Variants in RRP36 observed in about 807,000 individuals in gnomAD.
RRP36 encodes ribosomal RNA processing 36.
Under a neutral mutation model 39.8 loss-of-function variants are expected in RRP36, and 44 were observed. That is an observed-to-expected ratio of 1.10 (90% confidence interval 0.87 to 1.42). The LOEUF (loss-of-function observed/expected upper bound fraction) is 1.42, where lower values mean the gene tolerates loss of function less well. Ranked by LOEUF, RRP36 falls within the 40% of genes most tolerant of loss-of-function variation. RRP36 has a pLI of 0.00. For synonymous variants in RRP36, 124 were observed against 123.1 expected, an observed-to-expected ratio of 1.01 and a Z score of -0.05; for missense variants, 316 against 322.4, an observed-to-expected ratio of 0.98 and a Z score of 0.15.
Position 43,025,098 on chromosome 6 carries a change from C to T in RRP36, c.244C>T (p.Pro82Ser), listed in dbSNP as rs1317379967. 4 of 1,614,074 alleles carry T rather than the reference C, an allele frequency of 2.5e-6. No homozygotes were observed. Among genetic ancestry groups the T allele is most frequent in the African/African-American group, 1.3e-5 (1 of 74,918 alleles). ...NSPKKQASRP[P>S]IQNACVADKH... ...TCCTAAGAAACAAGCTTCTAGACCA[C>T]CTATCCAAAATGCATGTGTTGCAGA... The change falls in exon 2 of 7, where the codon CCT (proline) becomes TCT (serine). Residue 82 changes from proline (P) to serine (S), a missense_variant. Physicochemically the swap from Pro to Ser is moderately conservative, Grantham distance 74. Transcript: ENST00000244496.
rs1373137582 is a variant in RRP36 at position 43,027,197 on chromosome 6, A to G, written c.470A>G (p.Lys157Arg). 1.9e-6 allele frequency: 3 copies of G among 1,614,202 alleles called. No individual in the cohort carries two copies. The highest frequency in any genetic ancestry group is 2.5e-6 in the Non-Finnish European group (3 of 1,179,998). ...KEKELVKKQL[K>R]KHLSGEEHEK... Reference sequence around the variant, plus strand: ...GTGGAGCTTGTGAAAAAACAGTTGAAGAAGCACCTTTCAGGAGAGGAGCAT... The same window carrying G: ...GTGGAGCTTGTGAAAAAACAGTTGAGGAAGCACCTTTCAGGAGAGGAGCAT... The change falls in exon 5 of 7, where the codon AAG (lysine) becomes AGG (arginine). Residue 157 changes from lysine to arginine, a missense_variant. Transcript: ENST00000244496.
At chr6:43,025,830 G>T (rs956294761) in intron 3 of RRP36, among the ~76,000 whole-genome samples, 31 of 152,016 alleles carry the variant, frequency 2.0e-4, no homozygotes, top group African/African-American at 7.5e-4. Context: ...CTACTCAGGA[G>T]GCTGAGGCAG....
intron 4 of RRP36, among the ~76,000 whole-genome samples, chr6:43,026,361 A>G (rs918871243): frequency 6.6e-6 from 1 of 152,190 alleles, no homozygotes; most frequent in Non-Finnish European, 1.5e-5. Context: ...TCATAAAAAA[A>G]TAAAATAATA....
In RRP36 at chr6:43,021,654, G is replaced by C; in HGVS notation, c.-1G>C. ...CGTCTTCCGAGCGCTACTGCCAGCT[G>C]ATGCCGGGAGCTAACTACCGCGCCG... On this transcript the variant is annotated 5_prime_UTR_variant, in exon 1 of 7. Transcript: ENST00000244496. 1 of 1,283,414 alleles carries C rather than the reference G, an allele frequency of 7.8e-7. No individual in the cohort carries two copies. Among genetic ancestry groups the C allele is most frequent in the Non-Finnish European group, 9.9e-7 (1 of 1,014,148 alleles). The allele number at this position is 1,283,414 out of a possible 1,614,324, so 79.5% of individuals were successfully genotyped here. A position where few individuals can be genotyped will look rare whatever the true frequency, so the allele number is the denominator to read the frequency against.
chr6:43,023,199 A>T (rs1311791915), intron 1 of RRP36, among the ~76,000 whole-genome samples: 3 of 151,870 alleles, frequency 2.0e-5, no homozygotes, highest in African/African-American at 7.3e-5. Flanking sequence ...GGAGTTCAAG[A>T]CCAGCCTGGT....
chr6:43,023,120 G>T (rs966636497), intron 1 of RRP36, among the ~76,000 whole-genome samples: 4 of 152,182 alleles, frequency 2.6e-5, no homozygotes, highest in African/African-American at 9.7e-5. Flanking sequence ...TATCCTGGCC[G>T]GGTGTGGTGG....
rs200569222 is a variant in RRP36, at chr6:43,027,923, A to C, written c.643+446A>C. The stretch of plus-strand genomic sequence containing the variant: ...CTTGGTCTACACACACACACACACA[A>C]TCAGTTTTGTTTCTTGGTCTACACT... On this transcript the variant is annotated intron_variant, in intron 6 of 6. Coordinates refer to ENST00000244496, the MANE Select transcript of RRP36 (RefSeq NM_033112.4). Among the ~76,000 whole-genome samples the C allele has an allele frequency of 1.7e-3, 254 of 149,254 alleles. 1 individual carries two copies. The highest frequency in any genetic ancestry group is 0.016 in the East Asian group (79 of 5,018).
At position 43,025,321 on chromosome 6, in the gene RRP36, A is replaced by G. The variant is rs1220375008; in HGVS notation, c.337A>G (p.Ser113Gly). ...VPFLRQVVPI[S>G]KKVARDPRFD... ...ATTTTTACGTCAGGTTGTTCCCATTAGTAAAAAGGTAAGGAAGAAGGCCAG... is the reference window on the plus strand; with the variant it reads ...ATTTTTACGTCAGGTTGTTCCCATTGGTAAAAAGGTAAGGAAGAAGGCCAG... Residue 113 changes from serine (S) to glycine (G), a missense_variant, in exon 3 of 7, where the codon AGT becomes GGT. By Grantham distance (56) the Ser-to-Gly change is moderately conservative. Coordinates refer to ENST00000244496, the MANE Select transcript of RRP36 (RefSeq NM_033112.4). 8.1e-6 allele frequency: 13 copies of G among 1,613,574 alleles called. No individual in the cohort carries two copies. Among genetic ancestry groups the G allele is most frequent in the Non-Finnish European group, 1.1e-5 (13 of 1,180,000 alleles).
rs755802610 is a variant in RRP36, at chr6:43,027,949, GCA to G, written c.643+483_643+484del. ...TCAGTTTTGTTTCTTGGTCTACACT[GCA>G]CACACACACATGCACACACGCTGGG... On this transcript the variant is annotated intron_variant, in intron 6 of 6. Coordinates refer to ENST00000244496, the MANE Select transcript of RRP36 (RefSeq NM_033112.4). Among the ~76,000 whole-genome samples, 6 of 151,596 alleles carry G rather than the reference GCA, an allele frequency of 4.0e-5. No individual in the cohort carries two copies. The East Asian group carries it at 5.8e-4, about 15-fold the overall frequency.
intron 2 of RRP36, 63 bp downstream of exon 2, chr6:43,025,195 G>A: frequency 6.2e-7 from 1 of 1,612,202 alleles, no homozygotes; most frequent in Non-Finnish European, 8.5e-7. Context: ...ATGTTGTCTT[G>A]GGTGACAGGT....
intron 6 of RRP36, among the ~76,000 whole-genome samples, chr6:43,028,190 G>A (rs1581888440): frequency 6.6e-6 from 1 of 152,014 alleles, no homozygotes; most frequent in Admixed American, 6.6e-5. Flanking sequence ...AATTAGCCGG[G>A]CCTGGTGGCG....
At position 43,029,388 on chromosome 6, in the gene RRP36, C is replaced by A; in HGVS notation, c.*160C>A. On this transcript the variant is annotated 3_prime_UTR_variant, in exon 7 of 7. Transcript: ENST00000244496. ...GAGGGCTCTTGGACTATCCCTAGGG[C>A]TACACAAGAATAGTTCAGCCTTCTG... 2.7e-6 allele frequency: 2 copies of A among 733,362 alleles called. No homozygotes were observed. Among genetic ancestry groups the A allele is most frequent in the Non-Finnish European group, 4.3e-6 (2 of 464,878 alleles). The allele number at this position is 733,362 out of a possible 1,614,324, so 45.4% of individuals were successfully genotyped here. A position where few individuals can be genotyped will look rare whatever the true frequency, so the allele number is the denominator to read the frequency against.
intron 1 of RRP36, 124 bp downstream of exon 1, chr6:43,021,908 T>C: frequency 1.5e-6 from 1 of 670,638 alleles, no homozygotes; most frequent in Non-Finnish European, 2.0e-6. Context: ...ACACTAGGGG[T>C]GCCCCCAGTG....
intron 6 of RRP36, among the ~76,000 whole-genome samples, 186 bp downstream of exon 6, chr6:43,027,663 T>G (rs1008624023): frequency 6.6e-6 from 1 of 150,390 alleles, no homozygotes; most frequent in Non-Finnish European, 1.5e-5. Flanking sequence ...AATTAGATCA[T>G]GGCAGGCATT....
chr6:43,028,278 C>T (rs1035434598), intron 6 of RRP36, among the ~76,000 whole-genome samples: 1 of 151,214 alleles, frequency 6.6e-6, no homozygotes, highest in African/African-American at 2.4e-5. Context: ...TGCAGAAAGC[C>T]TAGATTGCAC....
intron 3 of RRP36, 51 bp downstream of exon 3, chr6:43,025,380 T>C: frequency 6.4e-7 from 1 of 1,563,878 alleles, no homozygotes; most frequent in Non-Finnish European, 8.8e-7. Context: ...CCCAGCACTT[T>C]GGGAGCCCGA....
chr6:43,021,687 G>A lies in RRP36; in HGVS notation c.33G>A (p.Gly11=). The stretch of plus-strand genomic sequence containing the variant: ...GAGCTAACTACCGCGCCGGGGCCGG[G>A]GCCGGGGCCGGGGCCCGACGTCCCC... MPGANYRAGA[G]AGAGARRPRG... is the part of the protein sequence containing the mutation. Residue 11 remains glycine (G), a synonymous_variant, in exon 1 of 7, where the codon GGG becomes GGA. Transcript: ENST00000244496. The A allele has an allele frequency of 8.1e-7, 1 of 1,237,078 alleles. No homozygotes were observed. The highest frequency in any genetic ancestry group is 1.0e-6 in the Non-Finnish European group (1 of 989,170). The allele number at this position is 1,237,078 out of a possible 1,614,324, so 76.6% of individuals were successfully genotyped here.
chr6:43,027,875 C>T (rs1373816809), intron 6 of RRP36, among the ~76,000 whole-genome samples: 2 of 149,106 alleles, frequency 1.3e-5, no homozygotes, highest in African/African-American at 5.1e-5. Context: ...GTCTATACTA[C>T]ACACACACAC....
chr6:43,026,006 G>A (rs752888625), intron 3 of RRP36, 31 bp from the exon 4 acceptor site: 2 of 1,504,634 alleles, frequency 1.3e-6, no homozygotes, highest in East Asian at 2.3e-5. Context: ...TTGAACAGTT[G>A]TGTTTTATAT....
Sources: gnomAD v4.1 joint callset for allele counts (sites outside exome capture counted in the v4.1 genomes callset) on GRCh38, gnomAD v4.1.1 for gene constraint, MANE v1.5 for transcripts, NCBI Gene and HGNC (gene_info 2026-07-23, HGNC 2026-07-21) for gene names.